The following ARSB variants were observed in gnomAD, a reference collection of about 807,000 sequenced individuals.
ARSB encodes the protein N-acetylgalactosamine-4-sulfatase.
ARSB carries 41 observed loss-of-function variants against 50.9 expected under a neutral mutation model. The observed-to-expected ratio is 0.81, with a 90% CI of 0.63 to 1.04. ARSB has a LOEUF of 1.04. Among genes scored for constraint, ARSB ranks in the 50% least tolerant of loss-of-function variants. The pLI is 0.00. For synonymous variants in ARSB, 269 were observed against 284.8 expected (o/e 0.94, Z 0.56); for missense variants, 672 against 693.3 (o/e 0.97, Z 0.35).
chr5:78,929,365 A>G (rs962538318), intron 4 of ARSB, among the ~76,000 whole-genome samples: 1 of 152,150 alleles, frequency 6.6e-6, no homozygotes, highest in African/African-American at 2.4e-5. Context: ...GGGATGGATC[A>G]TGGCCTCAGA....
intron 6 of ARSB, among the ~76,000 whole-genome samples, chr5:78,826,433 CA>C (rs1561442685): frequency 6.6e-6 from 1 of 152,052 alleles, no homozygotes; most frequent in Non-Finnish European, 1.5e-5. Flanking sequence ...TAGAAAAGAA[CA>C]CAAAAGACTA....
At chr5:78,877,351 C>T (rs1747533243) in intron 5 of ARSB, among the ~76,000 whole-genome samples, 1 of 152,132 alleles carries the variant, frequency 6.6e-6, no homozygotes, top group African/African-American at 2.4e-5. Flanking sequence ...AATAACTTAA[C>T]TGCATCTCAG....
At chr5:78,879,779 C>T (rs1232127862) in intron 5 of ARSB, among the ~76,000 whole-genome samples, 4 of 152,276 alleles carry the variant, frequency 2.6e-5, no homozygotes, top group Middle Eastern at 3.4e-3. Flanking sequence ...GTTCTGCCAC[C>T]GATTCCGAAC....
In ARSB at chr5:78,819,056, A is replaced by T. The variant is rs959436490; in HGVS notation, c.1213+20300T>A. Reference sequence around the variant, plus strand: ...TTAATTTCTGCATGGAGTTAGATTTATAGTTGAGATTTCCTTTGCTGTTAG... The same window carrying T: ...TTAATTTCTGCATGGAGTTAGATTTTTAGTTGAGATTTCCTTTGCTGTTAG... On this transcript the variant is annotated intron_variant, in intron 6 of 7. Transcript: ENST00000264914. Among the ~76,000 whole-genome samples, 12 of 152,146 alleles carry T rather than the reference A, an allele frequency of 7.9e-5. No homozygotes were observed. In the South Asian group the frequency reaches 8.3e-4, roughly 11 times the overall value.
chr5:78,854,480 T>C (rs1746039646), intron 5 of ARSB, among the ~76,000 whole-genome samples: 1 of 152,264 alleles, frequency 6.6e-6, no homozygotes, highest in Admixed American at 6.5e-5. Flanking sequence ...ATTTCTTTAT[T>C]GACCCATTGA....
chr5:78,903,263 A>C (rs957330767), intron 4 of ARSB, among the ~76,000 whole-genome samples: 5 of 152,146 alleles, frequency 3.3e-5, no homozygotes, highest in African/African-American at 7.2e-5. Context: ...TTAAAGAAAA[A>C]ATCCTACATT....
At chr5:78,894,032 T>G (rs1428828598) in intron 4 of ARSB, among the ~76,000 whole-genome samples, 1 of 152,242 alleles carries the variant, frequency 6.6e-6, no homozygotes, top group East Asian at 1.9e-4. Context: ...TAAAACCCAC[T>G]GAACGTGGCC....
chr5:78,813,862 A>G (rs920469817), intron 6 of ARSB, among the ~76,000 whole-genome samples: 2 of 152,208 alleles, frequency 1.3e-5, no homozygotes, highest in Non-Finnish European at 2.9e-5. Context: ...GGCAAAAGAG[A>G]GGGTCATCTT....
intron 4 of ARSB, among the ~76,000 whole-genome samples, chr5:78,890,126 GTGCTAA>G (rs1748219943): frequency 6.6e-6 from 1 of 152,096 alleles, no homozygotes; most frequent in Non-Finnish European, 1.5e-5. Flanking sequence ...GCAAACTGGA[GTGCTAA>G]TATATGTCTT....
chr5:78,886,675 G>T (rs1439845662), intron 4 of ARSB, among the ~76,000 whole-genome samples: 2 of 152,040 alleles, frequency 1.3e-5, no homozygotes, highest in East Asian at 1.9e-4. Flanking sequence ...CTTACATACT[G>T]GGGTTATAGA....
intron 6 of ARSB, among the ~76,000 whole-genome samples, chr5:78,808,353 A>T (rs1743661654): frequency 6.6e-6 from 1 of 152,094 alleles, no homozygotes; most frequent in Non-Finnish European, 1.5e-5. Context: ...CATAATCATG[A>T]TACTATTATA....
In ARSB at chr5:78,780,441, G is replaced by C; in HGVS notation, c.1558C>G (p.Arg520Gly). ...VPVYFPAQDP[R>G]CDPKATGVWG... The stretch of plus-strand genomic sequence containing the variant: ...ACCCCAGTGGCCTTGGGATCACAGC[G>C]GGGGTCCTGTGCAGGGAAGTACACG... The change falls in exon 8 of 8, where the codon CGC becomes GGC. Residue 520 changes from arginine (R) to glycine (G), a missense_variant. By Grantham distance (125) the Arg-to-Gly change is moderately radical. Coordinates refer to ENST00000264914, the MANE Select transcript of ARSB (RefSeq NM_000046.5). 1 of 1,614,146 alleles carries C rather than the reference G, an allele frequency of 6.2e-7. No individual in the cohort carries two copies. The highest frequency in any genetic ancestry group is 8.5e-7 in the Non-Finnish European group (1 of 1,180,022).
intron 6 of ARSB, among the ~76,000 whole-genome samples, chr5:78,838,759 T>C (rs1475376319): frequency 2.6e-5 from 4 of 152,222 alleles, no homozygotes; most frequent in Non-Finnish European, 5.9e-5. Flanking sequence ...CAGTCCGTTG[T>C]GATCTGGAAG....
At chr5:78,944,351 A>C (rs1046545671) in intron 4 of ARSB, among the ~76,000 whole-genome samples, 3 of 152,096 alleles carry the variant, frequency 2.0e-5, no homozygotes. Context: ...GAGGAGAGGC[A>C]CTCTGATTTT....
At chr5:78,980,260 TG>T (rs1752845272) in intron 1 of ARSB, among the ~76,000 whole-genome samples, 1 of 152,254 alleles carries the variant, frequency 6.6e-6, no homozygotes, top group Admixed American at 6.5e-5. Context: ...CCAGTGGGAA[TG>T]TAAATTGGTA....
rs1203999737 is a variant in ARSB, at chr5:78,869,502, A to C, written c.1142+16082T>G. Among the ~76,000 whole-genome samples the C allele has an allele frequency of 7.6e-4, 107 of 139,914 alleles. 2 individuals are homozygous for C. The highest frequency in any genetic ancestry group is 2.7e-3 in the African/African-American group (100 of 37,314). The allele number at this position is 139,914 out of a possible 152,430, so 91.8% of individuals were successfully genotyped here. A position where few individuals can be genotyped will look rare whatever the true frequency, so the allele number is the denominator to read the frequency against. On this transcript the variant is annotated intron_variant, in intron 5 of 7. Coordinates refer to ENST00000264914, the MANE Select transcript of ARSB (RefSeq NM_000046.5). ...TGCAATCAAACTAGAACTCAGGATT[A>C]AGAATCTCACTCAAAGCCGCTCAAC...
chr5:78,812,279 T>C (rs950734077), intron 6 of ARSB, among the ~76,000 whole-genome samples: 18 of 152,054 alleles, frequency 1.2e-4, no homozygotes, highest in African/African-American at 3.9e-4. Context: ...GCATGGGCAC[T>C]GAACAGGAAG....
chr5:78,816,038 C>T, intron 6 of ARSB: 1 of 1,613,414 alleles, frequency 6.2e-7, no homozygotes, highest in South Asian at 1.1e-5. Flanking sequence ...GGTCTGAAGT[C>T]ATTTCTTATG....
intron 5 of ARSB, among the ~76,000 whole-genome samples, chr5:78,868,181 T>A (rs1346671456): frequency 2.1e-5 from 3 of 140,636 alleles, no homozygotes; most frequent in Non-Finnish European, 3.1e-5. Flanking sequence ...CAAATCTACG[T>A]CTGATTGGTG....
Sources: allele counts gnomAD v4.1 joint callset (sites outside exome capture counted in the v4.1 genomes callset), GRCh38; gene constraint gnomAD v4.1.1; transcripts MANE v1.5; gene names NCBI Gene and HGNC (gene_info 2026-07-23, HGNC 2026-07-21).